The following RYR2 variants were observed in gnomAD, a reference collection of about 807,000 sequenced individuals.
RYR2 encodes ryanodine receptor 2.
A neutral mutation model predicts 601.1 loss-of-function variants in RYR2; 227 were observed. The ratio of observed to expected loss-of-function variants is 0.38; its 90% CI spans 0.34 to 0.42. The LOEUF (loss-of-function observed/expected upper bound fraction) is 0.42. Among genes scored for constraint, RYR2 ranks in the 10% least tolerant of loss-of-function variants. The probability of loss-of-function intolerance (pLI) is 1.00; values close to 1 mark genes in which losing one functional copy is unlikely to be tolerated. For synonymous variants in RYR2, 2,223 were observed against 2,175.1 expected (o/e 1.02, Z -0.61); for missense variants, 4,646 against 6,156.5 (o/e 0.75, Z 8.21).
chr1:237,772,058 C>G lies in RYR2; in HGVS notation c.11604C>G (p.Val3868=). 6.4e-7 allele frequency: 1 copy of G among 1,554,178 alleles called. No individual in the cohort carries two copies. The highest frequency in any genetic ancestry group is 1.9e-5 in the Admixed American group (1 of 53,428). ...CTCAGACTGGCAATAATACAACTGT[C>G]AACATAATTATCTCCACTGTAGACT... is the stretch of plus-strand genomic sequence containing the variant. ...LRTQTGNNTT[V]NIIISTVDYL... Residue 3868 remains valine, a synonymous_variant, in exon 86 of 105, where the codon GTC becomes GTG. Transcript: ENST00000366574.
chr1:237,812,868 AC>A (rs932921536), intron 100 of RYR2, among the ~76,000 whole-genome samples: 5 of 146,698 alleles, frequency 3.4e-5, no homozygotes, highest in African/African-American at 1.0e-4. Flanking sequence ...CTTTTCTCGC[AC>A]CACAAAGCAG....
At chr1:237,639,744 A>T (rs548585584) in intron 46 of RYR2, among the ~76,000 whole-genome samples, 2 of 152,300 alleles carry the variant, frequency 1.3e-5, no homozygotes, top group South Asian at 4.1e-4. Context: ...ACTAGAGTCC[A>T]GTCATCGACA....
At chr1:237,155,776 A>G (rs1028130106) in intron 1 of RYR2, among the ~76,000 whole-genome samples, 1 of 152,188 alleles carries the variant, frequency 6.6e-6, no homozygotes, top group Admixed American at 6.5e-5. Context: ...GCCCCTAAAA[A>G]GAGAAGTTGA....
At chr1:237,382,122 A>G (rs1172955369) in intron 8 of RYR2, among the ~76,000 whole-genome samples, 3 of 152,196 alleles carry the variant, frequency 2.0e-5, no homozygotes, top group African/African-American at 4.8e-5. Flanking sequence ...AATGTTTTCA[A>G]TCTGTGGATT....
At chr1:237,698,485 C>A (rs1226382802) in intron 63 of RYR2, among the ~76,000 whole-genome samples, 3 of 151,866 alleles carry the variant, frequency 2.0e-5, no homozygotes, top group Non-Finnish European at 2.9e-5. Context: ...TACCTTCATG[C>A]AATGGAATTC....
rs555641416 is a variant in RYR2, at chr1:237,832,716, C to T, written c.*69C>T. On this transcript the variant is annotated 3_prime_UTR_variant, in exon 105 of 105. Coordinates refer to ENST00000366574, the MANE Select transcript of RYR2 (RefSeq NM_001035.3). ...CTCTCCCTCTCTCAATTTCTCTGCT[C>T]TCTTGGAAACATTTTGCTGATTTTG... The T allele has an allele frequency of 4.6e-6, 4 of 860,634 alleles. No homozygotes were observed. Among genetic ancestry groups the T allele is most frequent in the Non-Finnish European group, 7.4e-6 (4 of 540,498 alleles). 53.3% of individuals were successfully genotyped at this position (860,634 alleles called of 1,614,324 possible).
At chr1:237,508,831 C>T (rs1458123264) in intron 23 of RYR2, among the ~76,000 whole-genome samples, 11 of 147,748 alleles carry the variant, frequency 7.4e-5, no homozygotes, top group Non-Finnish European at 1.2e-4. Context: ...CAAGCTCCGC[C>T]TCCCGGGTTC....
chr1:237,527,058 T>C (rs1429655070), intron 24 of RYR2, among the ~76,000 whole-genome samples: 1 of 152,218 alleles, frequency 6.6e-6, no homozygotes, highest in Non-Finnish European at 1.5e-5. Context: ...TTGAAGAGGT[T>C]GTCATTTCTC....
intron 23 of RYR2, among the ~76,000 whole-genome samples, chr1:237,507,151 T>C (rs1164055335): frequency 6.6e-6 from 1 of 152,222 alleles, no homozygotes; most frequent in Non-Finnish European, 1.5e-5. Context: ...CTCAGTGAAA[T>C]TGAAAGTGAA....
At chr1:237,433,772 A>T (rs914438722) in intron 12 of RYR2, among the ~76,000 whole-genome samples, 4 of 152,202 alleles carry the variant, frequency 2.6e-5, no homozygotes, top group African/African-American at 4.8e-5. Context: ...AACACTTTTT[A>T]AAAAATGACG....
chr1:237,072,656 T>C (rs144895241), intron 1 of RYR2, among the ~76,000 whole-genome samples: 3 of 152,276 alleles, frequency 2.0e-5, no homozygotes, highest in Non-Finnish European at 4.4e-5. Flanking sequence ...TGCCAGAGCA[T>C]TTTAATCTGA....
chr1:237,435,820 A>G (rs558862561), intron 12 of RYR2, among the ~76,000 whole-genome samples: 1 of 152,364 alleles, frequency 6.6e-6, no homozygotes, highest in Admixed American at 6.5e-5. Flanking sequence ...ATCAGGGTTC[A>G]GCCAGAGATG....
chr1:237,616,544 C>G (rs1473150255), intron 37 of RYR2, among the ~76,000 whole-genome samples: 1 of 152,178 alleles, frequency 6.6e-6, no homozygotes, highest in African/African-American at 2.4e-5. Flanking sequence ...TCACCTTATT[C>G]TTTCTGCAGT....
At chr1:237,638,961 T>C (rs1681162314) in intron 45 of RYR2, 54 bp from the exon 46 acceptor site, 2 of 1,576,360 alleles carry the variant, frequency 1.3e-6, no homozygotes, top group South Asian at 2.3e-5. Flanking sequence ...ATTTATTTGT[T>C]CAGAACTTCC....
intron 3 of RYR2, 39 bp from the exon 4 acceptor site, chr1:237,355,926 T>C: frequency 6.4e-7 from 1 of 1,562,902 alleles, no homozygotes; most frequent in Non-Finnish European, 8.7e-7. Flanking sequence ...GCTAGGTATT[T>C]GTTTGTTTGT....
chr1:237,396,913 GA>G (rs989808340), intron 10 of RYR2, among the ~76,000 whole-genome samples: 5 of 151,984 alleles, frequency 3.3e-5, no homozygotes, highest in African/African-American at 4.8e-5. Flanking sequence ...AAAAAAATCA[GA>G]AAAAAATCTT....
chr1:237,682,558 G>A (rs1274023515), intron 62 of RYR2, among the ~76,000 whole-genome samples: 1 of 152,134 alleles, frequency 6.6e-6, no homozygotes, highest in Non-Finnish European at 1.5e-5. Context: ...GTAACATGCT[G>A]CACAAGTATG....
rs1559110726 is a variant in RYR2 at position 237,610,937 on chromosome 1, A to G, written c.4859A>G (p.Gln1620Arg). The change falls in exon 36 of 105, where the codon CAG (glutamine) becomes CGG (arginine). Residue 1620 changes from glutamine (Q) to arginine (R), a missense_variant. Physicochemically the swap from Gln to Arg is conservative, Grantham distance 43 (BLOSUM62 1). This residue lies in a region of RYR2 where 1,807 missense variants were observed against 2,088.1 expected (regional missense o/e 0.87). Transcript: ENST00000366574. The surrounding 1 kb of genome is among the most constrained non-coding windows in gnomAD (Gnocchi z 4.9). ...AGTGAACGCCAAGGCTGGTTGGTGC[A>G]GTGTTTGGATCCTCTGCAGTTCATG... ...RISERQGWLVQCLDPLQFMSL... is the reference protein window; with the variant it reads ...RISERQGWLVRCLDPLQFMSL... 1 of 1,613,616 alleles carries G rather than the reference A, an allele frequency of 6.2e-7. No homozygotes were observed. The highest frequency in any genetic ancestry group is 8.5e-7 in the Non-Finnish European group (1 of 1,179,760).
rs1158152059 is a variant in RYR2 at position 237,480,097 on chromosome 1, A to G, written c.1708+10910A>G. On this transcript the variant is annotated intron_variant, in intron 17 of 104. Transcript: ENST00000366574. ...GAATAAATGAAAGAGACCCCCAGAA[A>G]ACCAGAACCATGATTGTTAACAGCA... 2.0e-5 allele frequency among the ~76,000 whole-genome samples: 3 copies of G among 152,098 alleles called. No individual in the cohort carries two copies. In the East Asian group the frequency reaches 5.8e-4, roughly 29 times the overall value.
Sources: gnomAD v4.1 joint callset for allele counts (sites outside exome capture counted in the v4.1 genomes callset) on GRCh38, gnomAD v4.1.1 for gene constraint, gnomAD v4.1.1 regional missense constraint, Gnocchi (gnomAD v3.1) non-coding constraint, MANE v1.5 for transcripts, NCBI Gene and HGNC (gene_info 2026-07-23, HGNC 2026-07-21) for gene names.